Variants in GLI2 observed in about 807,000 individuals in gnomAD.
The protein encoded by GLI2 is GLI family zinc finger 2, also known as transcription activator GLI2.
Under a neutral mutation model 78.9 loss-of-function variants are expected in GLI2, and 22 were observed. That is an observed-to-expected ratio of 0.28 (90% CI 0.20 to 0.40). GLI2 has a LOEUF of 0.40. Ranked by LOEUF, GLI2 falls within the 10% of genes least tolerant of loss-of-function variation. The pLI, the probability that GLI2 is intolerant of heterozygous loss-of-function variation, is 1.00. For synonymous variants in GLI2, 974 were observed against 963.7 expected (o/e 1.01, Z -0.20); for missense variants, 2,097 against 2,213.2 (o/e 0.95, Z 1.05).
At chr2:120,741,282 G>C (rs1156950672) in intron 1 of GLI2, among the ~76,000 whole-genome samples, 1 of 152,094 alleles carries the variant, frequency 6.6e-6, no homozygotes, top group African/African-American at 2.4e-5. Flanking sequence ...GTGAACTCTT[G>C]CTCTTCCCAG....
chr2:120,768,029 C>T (rs1053626277), intron 1 of GLI2, among the ~76,000 whole-genome samples: 2 of 152,216 alleles, frequency 1.3e-5, no homozygotes, highest in Admixed American at 6.5e-5. Flanking sequence ...CCCGACGCTC[C>T]TGGAACCTCA....
At chr2:120,988,167 C>G (rs1169727386) in intron 13 of GLI2, 41 bp from the exon 14 acceptor site, 2 of 1,545,598 alleles carry the variant, frequency 1.3e-6, no homozygotes, top group Admixed American at 1.9e-5. Context: ...CAAGCAGCCA[C>G]CCACCCTTGT....
chr2:120,957,107 A>G (rs985948057), intron 5 of GLI2, among the ~76,000 whole-genome samples: 1 of 152,194 alleles, frequency 6.6e-6, no homozygotes, highest in Non-Finnish European at 1.5e-5. Flanking sequence ...CTTCCCAGGA[A>G]AAGTTTTGCT....
At chr2:120,826,948 G>A (rs1027382260) in intron 2 of GLI2, among the ~76,000 whole-genome samples, 2 of 152,120 alleles carry the variant, frequency 1.3e-5, no homozygotes, top group African/African-American at 4.8e-5. Context: ...CCCCAGCCAC[G>A]CATAACCACT....
In GLI2 at chr2:120,990,474, T is replaced by C. The variant is rs148902971; in HGVS notation, c.4509T>C (p.Asp1503=). 1.7e-5 allele frequency: 28 copies of C among 1,613,918 alleles called. No homozygotes were observed. In the Admixed American group the frequency reaches 3.7e-4, roughly 21 times the overall value. Residue 1503 remains aspartate (D), a synonymous_variant, in exon 14 of 14, where the codon GAT becomes GAC. Coordinates refer to ENST00000361492, the MANE Select transcript of GLI2 (RefSeq NM_001374353.1). The part of the protein sequence containing the change: ...IDFDAIMDDG[D]HSSLFSGALS... ...TCGATGCCATCATGGATGATGGCGA[T>C]CACTCGAGTTTGTTCTCGGGTGCTC...
rs576492748 is a variant in GLI2 at position 120,811,842 on chromosome 2, C to T, written c.148+14374C>T. Among the ~76,000 whole-genome samples, 17 of 152,266 alleles carry T rather than the reference C, an allele frequency of 1.1e-4. No individual in the cohort carries two copies. The South Asian group carries it at 3.1e-3, about 28-fold the overall frequency. On this transcript the variant is annotated intron_variant, in intron 2 of 13. Coordinates refer to ENST00000361492, the MANE Select transcript of GLI2 (RefSeq NM_001374353.1). ...TCAGAAGATTCTTTTTCCTCCCTCC[C>T]TCCCTCCTTCCCTCCCTCTTTCCTT...
At position 120,821,121 on chromosome 2, in the gene GLI2, G is replaced by T. The variant is rs183500100; in HGVS notation, c.148+23653G>T. On this transcript the variant is annotated intron_variant, in intron 2 of 13. Coordinates refer to ENST00000361492, the MANE Select transcript of GLI2 (RefSeq NM_001374353.1). ...TCCTCCCTGACTGGCAGCCTGTCTT[G>T]CGTGGGCGGCTGAGCTCGCAGCCAC... Among the ~76,000 whole-genome samples the T allele has an allele frequency of 3.7e-3, 558 of 152,232 alleles. 3 individuals carry two copies. The highest frequency in any genetic ancestry group is 0.027 in the Middle Eastern group (8 of 294).
intron 3 of GLI2, among the ~76,000 whole-genome samples, chr2:120,929,220 G>A (rs774951305): frequency 6.6e-6 from 1 of 152,178 alleles, no homozygotes; most frequent in Non-Finnish European, 1.5e-5. Flanking sequence ...CTGTCAGGAG[G>A]CCTATGATCT....
chr2:120,860,782 G>A (rs1687866773), intron 2 of GLI2, among the ~76,000 whole-genome samples: 1 of 152,184 alleles, frequency 6.6e-6, no homozygotes, highest in South Asian at 2.1e-4. Flanking sequence ...GAGCAGTGAG[G>A]GGGCAGCCCA....
intron 2 of GLI2, among the ~76,000 whole-genome samples, chr2:120,836,198 C>A (rs917320485): frequency 1.3e-5 from 2 of 152,158 alleles, no homozygotes. Flanking sequence ...CTCCTGCCCC[C>A]CAGGAGTAGC....
At chr2:120,847,994 CA>C (rs772037963) in intron 2 of GLI2, among the ~76,000 whole-genome samples, 71 of 152,294 alleles carry the variant, frequency 4.7e-4, no homozygotes, top group Non-Finnish European at 7.9e-4. Context: ...GGCGCTTAGG[CA>C]GGGGCAGTGC....
chr2:120,773,721 G>A (rs1043920816), intron 1 of GLI2, among the ~76,000 whole-genome samples: 11 of 152,178 alleles, frequency 7.2e-5, no homozygotes, highest in African/African-American at 1.7e-4. Context: ...GCAGGTGGCA[G>A]GTGGCAGGCA....
chr2:120,904,230 C>T (rs1276129540), intron 2 of GLI2, among the ~76,000 whole-genome samples: 3 of 152,182 alleles, frequency 2.0e-5, no homozygotes, highest in African/African-American at 7.2e-5. Context: ...GTATCCTTAC[C>T]TGTAGGACAC....
intron 2 of GLI2, among the ~76,000 whole-genome samples, chr2:120,920,437 G>T (rs916550443): frequency 6.6e-6 from 1 of 152,210 alleles, no homozygotes; most frequent in Non-Finnish European, 1.5e-5. Context: ...GGAATCCACA[G>T]GATCATTTCT....
chr2:120,822,277 T>C (rs532011111), intron 2 of GLI2, among the ~76,000 whole-genome samples: 2 of 152,376 alleles, frequency 1.3e-5, no homozygotes, highest in South Asian at 2.1e-4. Flanking sequence ...AGCCTTCTTG[T>C]GGTCCCTGGA....
At chr2:120,860,095 C>T (rs1687837961) in intron 2 of GLI2, among the ~76,000 whole-genome samples, 2 of 152,216 alleles carry the variant, frequency 1.3e-5, no homozygotes, top group Non-Finnish European at 1.5e-5. Context: ...GGTGCACGCC[C>T]TCCTCCTGGC....
chr2:120,977,873 C>T (rs1340223181), intron 9 of GLI2, among the ~76,000 whole-genome samples: 1 of 152,214 alleles, frequency 6.6e-6, no homozygotes, highest in African/African-American at 2.4e-5. Flanking sequence ...AAGCCATTAT[C>T]TCATGGGTCA....
At position 120,881,887 on chromosome 2, in the gene GLI2, G is replaced by A. The variant is rs530922031; in HGVS notation, c.149-45474G>A. On this transcript the variant is annotated intron_variant, in intron 2 of 13. Coordinates refer to ENST00000361492, the MANE Select transcript of GLI2 (RefSeq NM_001374353.1). ...GGAAGGAGGGCAGGTGGAGCTGGCGGCATCATGAACTTTTGGAATAGCAAA... is the reference window on the plus strand; with the variant it reads ...GGAAGGAGGGCAGGTGGAGCTGGCGACATCATGAACTTTTGGAATAGCAAA... Among the ~76,000 whole-genome samples, 8 of 151,728 alleles carry A rather than the reference G, an allele frequency of 5.3e-5. No homozygotes were observed. The South Asian group carries it at 8.4e-4, about 16-fold the overall frequency.
chr2:120,900,803 A>T (rs193295811), intron 2 of GLI2, among the ~76,000 whole-genome samples: 119 of 152,282 alleles, frequency 7.8e-4, no homozygotes, highest in African/African-American at 2.8e-3. Flanking sequence ...GCGGCTCTGG[A>T]GGTGGCCCCA....
Sources: allele counts gnomAD v4.1 joint callset (sites outside exome capture counted in the v4.1 genomes callset), GRCh38; gene constraint gnomAD v4.1.1; transcripts MANE v1.5; gene names NCBI Gene and HGNC (gene_info 2026-07-23, HGNC 2026-07-21).